CMSS1: variants seen among roughly 807,000 people sequenced by gnomAD.
CMSS1 encodes the protein protein CMSS1.
CMSS1 carries 33 observed loss-of-function variants against 43.5 expected under a neutral mutation model. The observed-to-expected ratio is 0.76, with a 90% CI of 0.57 to 1.01. The LOEUF is 1.01. Among genes scored for constraint, CMSS1 ranks in the 50% least tolerant of loss-of-function variants. The pLI is 0.00. For synonymous variants in CMSS1, 115 were observed against 117.2 expected, an observed-to-expected ratio of 0.98 and a Z score of 0.12; for missense variants, 313 against 326.4, an observed-to-expected ratio of 0.96 and a Z score of 0.32.
chr3:99,998,230 T>C (rs947059329), intron 1 of CMSS1, among the ~76,000 whole-genome samples: 2 of 152,206 alleles, frequency 1.3e-5, no homozygotes, highest in African/African-American at 4.8e-5. Context: ...GTTCTATAAA[T>C]TAGTAGCTAT....
intron 1 of CMSS1, chr3:99,898,202 G>A (rs190700271): frequency 6.6e-6 from 1 of 152,076 alleles, no homozygotes. Flanking sequence ...ATTTTTGAAG[G>A]TTATTTGGAA....
At chr3:100,058,864 T>C (rs1344949052) in intron 1 of CMSS1, among the ~76,000 whole-genome samples, 1 of 152,258 alleles carries the variant, frequency 6.6e-6, no homozygotes, top group African/African-American at 2.4e-5. Context: ...TTGAGTGATG[T>C]GTTTAGTATT....
chr3:99,892,954 G>C (rs769801796), intron 1 of CMSS1, among the ~76,000 whole-genome samples: 2 of 152,156 alleles, frequency 1.3e-5, no homozygotes, highest in Admixed American at 1.3e-4. Flanking sequence ...TGAGGCCCCT[G>C]TTGGTGCTGA....
At chr3:99,878,514 A>G (rs1385849783) in intron 1 of CMSS1, among the ~76,000 whole-genome samples, 1 of 152,152 alleles carries the variant, frequency 6.6e-6, no homozygotes, top group Admixed American at 6.6e-5. Flanking sequence ...GTCTTCTCCT[A>G]ATAGTTTGTT....
chr3:99,926,091 G>A (rs566978596), intron 1 of CMSS1, among the ~76,000 whole-genome samples: 132 of 152,316 alleles, frequency 8.7e-4, no homozygotes, highest in Admixed American at 1.4e-3. Flanking sequence ...TTTAGAATGT[G>A]TGACTCATTG....
intron 1 of CMSS1, among the ~76,000 whole-genome samples, chr3:99,826,489 A>ATTTGAAT (rs1464293707): frequency 6.6e-6 from 1 of 152,182 alleles, no homozygotes; most frequent in African/African-American, 2.4e-5. Flanking sequence ...GGACAACAAT[A>ATTTGAAT]TTTGAATTTT....
intron 1 of CMSS1, among the ~76,000 whole-genome samples, chr3:100,113,253 G>T (rs1377432028): frequency 6.6e-6 from 1 of 152,194 alleles, no homozygotes; most frequent in Non-Finnish European, 1.5e-5. Context: ...AAACTGTGCA[G>T]CCACCCTAAA....
At chr3:99,825,718 G>A (rs1942523426) in intron 1 of CMSS1, among the ~76,000 whole-genome samples, 1 of 149,822 alleles carries the variant, frequency 6.7e-6, no homozygotes, top group African/African-American at 2.5e-5. Flanking sequence ...TCCTCCCTCA[G>A]ATTCAATAAT....
intron 1 of CMSS1, among the ~76,000 whole-genome samples, chr3:99,966,561 A>G (rs1415076510): frequency 6.6e-6 from 1 of 152,190 alleles, no homozygotes; most frequent in Non-Finnish European, 1.5e-5. Context: ...AACTTTATAA[A>G]CATTCAACAA....
chr3:99,833,374 C>T (rs1353332158), intron 1 of CMSS1: 2 of 840,418 alleles, frequency 2.4e-6, no homozygotes, highest in Non-Finnish European at 3.8e-6. Context: ...CTAGAAGACT[C>T]CCTGGTTACA....
intron 1 of CMSS1, among the ~76,000 whole-genome samples, chr3:100,015,559 C>T (rs1710317432): frequency 6.6e-6 from 1 of 152,194 alleles, no homozygotes; most frequent in Non-Finnish European, 1.5e-5. Context: ...ATTTTTTACA[C>T]ATTCTTGGTT....
In CMSS1 at chr3:99,995,246, G is replaced by A. The variant is rs1203465431; in HGVS notation, c.65-151727G>A. ...AAATTGGCCAAAACAAAGGGGCTAC[G>A]GGGCCCATGCAAGTCTGAAATTCAG... On this transcript the variant is annotated intron_variant, in intron 1 of 9. Coordinates refer to ENST00000421999, the MANE Select transcript of CMSS1 (RefSeq NM_032359.4). Among the ~76,000 whole-genome samples the A allele has an allele frequency of 4.6e-5, 7 of 152,144 alleles. No homozygotes were observed. The East Asian group carries it at 7.7e-4, about 17-fold the overall frequency.
rs547537554 is a variant in CMSS1 at position 99,889,774 on chromosome 3, T to C, written c.64+71731T>C. Among the ~76,000 whole-genome samples the C allele has an allele frequency of 7.2e-5, 11 of 152,184 alleles. No homozygotes were observed. In the East Asian group the frequency reaches 2.1e-3, roughly 29 times the overall value. ...ATCTCACAAGTTAAATTCTCAAAAG[T>C]CTAAAGCTACTCAGTATATTAATCC... On this transcript the variant is annotated intron_variant, in intron 1 of 9. Coordinates refer to ENST00000421999, the MANE Select transcript of CMSS1 (RefSeq NM_032359.4).
intron 1 of CMSS1, among the ~76,000 whole-genome samples, chr3:99,910,129 T>G (rs1706746462): frequency 7.3e-6 from 1 of 136,698 alleles, no homozygotes; most frequent in Non-Finnish European, 1.7e-5. Flanking sequence ...AAATTCTTAA[T>G]AGAGTTGGTT....
chr3:100,140,455 T>C (rs550870525), intron 1 of CMSS1, among the ~76,000 whole-genome samples: 1 of 152,318 alleles, frequency 6.6e-6, no homozygotes, highest in African/African-American at 2.4e-5. Flanking sequence ...TATAGCTTCT[T>C]AGGCCTGGCT....
chr3:100,054,868 A>T (rs1257125087), intron 1 of CMSS1, among the ~76,000 whole-genome samples: 1 of 152,196 alleles, frequency 6.6e-6, no homozygotes, highest in Non-Finnish European at 1.5e-5. Flanking sequence ...AATGTTCAGA[A>T]GTATGAGGTC....
intron 1 of CMSS1, among the ~76,000 whole-genome samples, chr3:100,029,733 G>A (rs1223864994): frequency 2.0e-5 from 3 of 152,126 alleles, no homozygotes; most frequent in East Asian, 1.9e-4. Context: ...ATAAAAACCA[G>A]CAACTTCAAA....
intron 1 of CMSS1, among the ~76,000 whole-genome samples, chr3:99,840,809 C>G (rs749893680): frequency 6.6e-6 from 1 of 152,216 alleles, no homozygotes; most frequent in African/African-American, 2.4e-5. Flanking sequence ...TCACAGCTGA[C>G]TAGAAAAGGC....
intron 1 of CMSS1, among the ~76,000 whole-genome samples, chr3:99,911,506 G>A (rs999762107): frequency 1.3e-5 from 2 of 151,964 alleles, no homozygotes; most frequent in African/African-American, 4.8e-5. Flanking sequence ...GGATAAAGGG[G>A]AAATCCAAGG....
Sources: gnomAD v4.1 joint callset for allele counts (sites outside exome capture counted in the v4.1 genomes callset) on GRCh38, gnomAD v4.1.1 for gene constraint, MANE v1.5 for transcripts, NCBI Gene and HGNC (gene_info 2026-07-23, HGNC 2026-07-21) for gene names.